ZFAND6: variants seen among roughly 807,000 people sequenced by gnomAD.
The protein encoded by ZFAND6 is AN1-type zinc finger protein 6.
In ZFAND6, 12 loss-of-function variants were observed where a neutral mutation model predicts 24.5. The observed-to-expected ratio is 0.49, with a 90% CI of 0.31 to 0.79. The LOEUF (loss-of-function observed/expected upper bound fraction) is 0.79, where lower values mean the gene tolerates loss of function less well. ZFAND6 is among the 30% of genes least tolerant of loss of function. The pLI, the probability that ZFAND6 is intolerant of heterozygous loss-of-function variation, is 0.04. For synonymous variants in ZFAND6, 92 were observed against 81.5 expected (o/e 1.13, Z -0.69); for missense variants, 207 against 245.9 (o/e 0.84, Z 1.06).
intron 2 of ZFAND6, among the ~76,000 whole-genome samples, chr15:80,119,035 C>A (rs974049414): frequency 6.6e-6 from 1 of 152,116 alleles, no homozygotes; most frequent in Non-Finnish European, 1.5e-5. Context: ...TACATATACA[C>A]CCATTTCGGA....
chr15:80,101,815 C>G (rs1047775743), intron 2 of ZFAND6, among the ~76,000 whole-genome samples: 4 of 121,452 alleles, frequency 3.3e-5, no homozygotes, highest in Non-Finnish European at 6.5e-5. Context: ...TTTTTTGAGA[C>G]GGAGTCTTGC....
intron 1 of ZFAND6, among the ~76,000 whole-genome samples, chr15:80,096,647 T>C (rs564799014): frequency 6.6e-6 from 1 of 152,358 alleles, no homozygotes; most frequent in South Asian, 2.1e-4. Context: ...GTGCTATTTC[T>C]CATGGTGTTT....
rs1417553404 is a variant in ZFAND6, at chr15:80,137,622, G to T, written c.621G>T (p.Lys207Asn). 1 of 1,578,248 alleles carries T rather than the reference G, an allele frequency of 6.3e-7. No individual in the cohort carries two copies. Among genetic ancestry groups the T allele is most frequent in the Non-Finnish European group, 8.6e-7 (1 of 1,168,538 alleles). Reference protein sequence around the residue: ...NPVVVGEKIQKI With the variant: ...NPVVVGEKIQNI ...TAGTTGTTGGTGAAAAGATCCAAAA[G>T]ATTTGAACTCCTGCTGGAATACAAA... Residue 207 changes from lysine (K) to asparagine (N), a missense_variant, in exon 7 of 7, where the codon AAG becomes AAT. Lys to Asn is a moderately conservative substitution (Grantham distance 94). Coordinates refer to ENST00000261749, the MANE Select transcript of ZFAND6 (RefSeq NM_019006.4).
chr15:80,122,869 G>A, intron 5 of ZFAND6, 69 bp downstream of exon 5: 1 of 1,263,958 alleles, frequency 7.9e-7, no homozygotes, highest in Non-Finnish European at 1.1e-6. Context: ...CTAGGTGCAT[G>A]TATAAAAAAA....
chr15:80,103,668 C>A (rs2039154614), intron 2 of ZFAND6, among the ~76,000 whole-genome samples: 1 of 152,048 alleles, frequency 6.6e-6, no homozygotes, highest in Admixed American at 6.5e-5. Context: ...GTGAAAACAC[C>A]AAAAATGAAC....
At chr15:80,095,955 A>G (rs2038697182) in intron 1 of ZFAND6, among the ~76,000 whole-genome samples, 1 of 152,240 alleles carries the variant, frequency 6.6e-6, no homozygotes, top group African/African-American at 2.4e-5. Context: ...TATGGTATCC[A>G]AATCTGGATA....
intron 2 of ZFAND6, among the ~76,000 whole-genome samples, chr15:80,118,091 A>C (rs1210427319): frequency 6.6e-6 from 1 of 151,954 alleles, no homozygotes; most frequent in Non-Finnish European, 1.5e-5. Flanking sequence ...ATATACACAC[A>C]TTATACATAG....
At chr15:80,133,495 G>C (rs1000529135) in intron 6 of ZFAND6, among the ~76,000 whole-genome samples, 1 of 151,998 alleles carries the variant, frequency 6.6e-6, no homozygotes, top group Admixed American at 6.6e-5. Flanking sequence ...ACACCTGGCC[G>C]GTTTGGTAAT....
intron 2 of ZFAND6, among the ~76,000 whole-genome samples, chr15:80,100,697 A>G (rs1381226686): frequency 6.6e-6 from 1 of 152,064 alleles, no homozygotes; most frequent in Non-Finnish European, 1.5e-5. Context: ...AAATTCTGTC[A>G]TTTGGTTTTG....
intron 1 of ZFAND6, among the ~76,000 whole-genome samples, chr15:80,075,611 C>T (rs2037229114): frequency 6.6e-6 from 1 of 151,984 alleles, no homozygotes; most frequent in African/African-American, 2.4e-5. Flanking sequence ...TGTTAGATGC[C>T]ATTCAAGAGG....
intron 1 of ZFAND6, among the ~76,000 whole-genome samples, chr15:80,065,808 G>C (rs975477937): frequency 6.6e-6 from 1 of 151,896 alleles, no homozygotes; most frequent in Non-Finnish European, 1.5e-5. Context: ...GCCTCCCAAA[G>C]TGCTGGGATT....
At chr15:80,112,771 G>A (rs2141987941) in intron 2 of ZFAND6, 3 of 456,022 alleles carry the variant, frequency 6.6e-6, no homozygotes, top group South Asian at 3.1e-5. Context: ...TTACCCATGT[G>A]ATAGTTGGAG....
At chr15:80,067,538 T>C (rs1004334170) in intron 1 of ZFAND6, among the ~76,000 whole-genome samples, 4 of 151,826 alleles carry the variant, frequency 2.6e-5, no homozygotes, top group African/African-American at 9.7e-5. Flanking sequence ...TATTTCTTCT[T>C]CCAGAACCAT....
intron 2 of ZFAND6, among the ~76,000 whole-genome samples, chr15:80,107,906 A>G (rs905892452): frequency 6.6e-6 from 1 of 151,966 alleles, no homozygotes; most frequent in Non-Finnish European, 1.5e-5. Flanking sequence ...CTCTGAAAGG[A>G]TCTCAAGAAT....
At chr15:80,064,121 T>A (rs2036482365) in intron 1 of ZFAND6, among the ~76,000 whole-genome samples, 1 of 152,252 alleles carries the variant, frequency 6.6e-6, no homozygotes, top group African/African-American at 2.4e-5. Flanking sequence ...TTTTTTCTTA[T>A]TATTATAAGT....
chr15:80,089,652 A>C (rs2038228453), intron 1 of ZFAND6, among the ~76,000 whole-genome samples: 1 of 152,126 alleles, frequency 6.6e-6, no homozygotes, highest in Non-Finnish European at 1.5e-5. Context: ...AGGCTGATTG[A>C]TGATCACTTG....
rs144603138 is a variant in ZFAND6 at position 80,133,531 on chromosome 15, A to C, written c.478+2238A>C. On this transcript the variant is annotated intron_variant, in intron 6 of 6. Coordinates refer to ENST00000261749, the MANE Select transcript of ZFAND6 (RefSeq NM_019006.4). ...TTTAGAAAAAGGTTTGGCTTTGAAA[A>C]AGTCAAGATAACAGGAGAAACAGCT... Among the ~76,000 whole-genome samples, 11 of 152,252 alleles carry C rather than the reference A, an allele frequency of 7.2e-5. No homozygotes were observed. In the East Asian group the frequency reaches 1.5e-3, roughly 21 times the overall value.
intron 6 of ZFAND6, among the ~76,000 whole-genome samples, chr15:80,133,156 A>T (rs2040688546): frequency 6.6e-6 from 1 of 151,790 alleles, no homozygotes; most frequent in African/African-American, 2.4e-5. Flanking sequence ...GGAGACTTTA[A>T]TGCCAGCAAA....
At chr15:80,099,649 ACT>A (rs2038930525) in intron 2 of ZFAND6, among the ~76,000 whole-genome samples, 2 of 106,878 alleles carry the variant, frequency 1.9e-5, no homozygotes, top group African/African-American at 6.8e-5. Flanking sequence ...ACGGAGTCTC[ACT>A]CTGTCGCCCA....
Sources: allele counts gnomAD v4.1 joint callset (sites outside exome capture counted in the v4.1 genomes callset), GRCh38; gene constraint gnomAD v4.1.1; transcripts MANE v1.5; gene names NCBI Gene and HGNC (gene_info 2026-07-23, HGNC 2026-07-21).